Variants in KICS2 observed in about 807,000 individuals in gnomAD.
The protein encoded by KICS2 is KICSTOR subunit 2.
A neutral mutation model predicts 31.4 loss-of-function variants in KICS2; 13 were observed. The observed-to-expected ratio is 0.41, with a 90% CI of 0.27 to 0.66. The LOEUF (loss-of-function observed/expected upper bound fraction) is 0.66. Ranked by LOEUF, KICS2 falls within the 30% of genes least tolerant of loss-of-function variation. The pLI is 0.28. For missense variants in KICS2, 455 were observed against 545.4 expected, an observed-to-expected ratio of 0.83 and a Z score of 1.65; for synonymous variants, 209 against 214.8, an observed-to-expected ratio of 0.97 and a Z score of 0.24.
In KICS2 at chr12:64,197,115, C is replaced by T. The variant is rs1067634; in HGVS notation, c.522-2457G>A. ...ATACAGAGAACGCCACAAAGATACT[C>T]CTCGAGAAGAGCAACTCCAAGACAC... On this transcript the variant is annotated intron_variant, in intron 2 of 2. Coordinates refer to ENST00000398055, the MANE Select transcript of KICS2 (RefSeq NM_152440.5). 5.3e-3 allele frequency among the ~76,000 whole-genome samples: 507 copies of T among 96,276 alleles called. 1 individual carries two copies. The highest frequency in any genetic ancestry group is 0.013 in the Middle Eastern group (3 of 230). 63.2% of individuals were successfully genotyped at this position (96,276 alleles called of 152,430 possible). A position where few individuals can be genotyped will look rare whatever the true frequency, so the allele number is the denominator to read the frequency against.
intron 2 of KICS2, among the ~76,000 whole-genome samples, chr12:64,206,051 T>A (rs953914295): frequency 3.9e-5 from 6 of 152,162 alleles, no homozygotes; most frequent in Non-Finnish European, 7.4e-5. Context: ...ACTTAGCAGC[T>A]GGGACTACGG....
chr12:64,222,269 T>C lies in KICS2; in HGVS notation c.-32A>G. 9 of 1,607,792 alleles carry C rather than the reference T, an allele frequency of 5.6e-6. No individual in the cohort carries two copies. The highest frequency in any genetic ancestry group is 6.8e-6 in the Non-Finnish European group (8 of 1,177,324). ...TGCGCCCCAGCTCGACCCACGTGGC[T>C]CTCCTCGGCCTCGCACTTCCGGGTT... On this transcript the variant is annotated 5_prime_UTR_variant, in exon 1 of 3. Coordinates refer to ENST00000398055, the MANE Select transcript of KICS2 (RefSeq NM_152440.5).
chr12:64,198,847 T>C (rs1300184035), intron 2 of KICS2, among the ~76,000 whole-genome samples: 2 of 150,480 alleles, frequency 1.3e-5, no homozygotes, highest in African/African-American at 2.5e-5. Context: ...AACTAGAAAA[T>C]CTAGACGAAA....
intron 2 of KICS2, among the ~76,000 whole-genome samples, chr12:64,211,733 G>T (rs889148035): frequency 6.6e-6 from 1 of 152,036 alleles, no homozygotes; most frequent in Admixed American, 6.5e-5. Context: ...TGACCCATGT[G>T]AACATATTAT....
At position 64,222,277 on chromosome 12, in the gene KICS2, G is replaced by A. The variant is rs750079992; in HGVS notation, c.-40C>T. ...AGCTCGACCCACGTGGCTCTCCTCG[G>A]CCTCGCACTTCCGGGTTCTGAGGGA... On this transcript the variant is annotated 5_prime_UTR_variant, in exon 1 of 3. Transcript: ENST00000398055. 30 of 1,603,366 alleles carry A rather than the reference G, an allele frequency of 1.9e-5. No homozygotes were observed. Among genetic ancestry groups the A allele is most frequent in the Non-Finnish European group, 2.3e-5 (27 of 1,175,100 alleles).
intron 2 of KICS2, among the ~76,000 whole-genome samples, chr12:64,205,842 T>C (rs1170347304): frequency 7.5e-6 from 1 of 133,290 alleles, no homozygotes; most frequent in African/African-American, 2.7e-5. Flanking sequence ...ATGAATAGAT[T>C]TGTGTAATAT....
At position 64,194,665 on chromosome 12, in the gene KICS2, G is replaced by C; in HGVS notation, c.522-7C>G. On this transcript the variant is annotated splice_polypyrimidine_tract_variant and splice_region_variant and intron_variant, in intron 2 of 2. Transcript: ENST00000398055. Reference sequence around the variant, plus strand: ...GAGGATTGGGTGGTGAAATCTAAAGGGGAGAGGGAAATAGAGATAAGTGGA... The same window carrying C: ...GAGGATTGGGTGGTGAAATCTAAAGCGGAGAGGGAAATAGAGATAAGTGGA... The C allele has an allele frequency of 6.3e-7, 1 of 1,598,284 alleles. No individual in the cohort carries two copies. Among genetic ancestry groups the C allele is most frequent in the Non-Finnish European group, 8.5e-7 (1 of 1,170,358 alleles).
At position 64,193,518 on chromosome 12, in the gene KICS2, A is replaced by T; in HGVS notation, c.*324T>A. 3 of 1,073,594 alleles carry T rather than the reference A, an allele frequency of 2.8e-6. No individual in the cohort carries two copies. The highest frequency in any genetic ancestry group is 3.4e-6 in the Non-Finnish European group (3 of 886,716). The allele number at this position is 1,073,594 out of a possible 1,614,324, so 66.5% of individuals were successfully genotyped here. On this transcript the variant is annotated 3_prime_UTR_variant, in exon 3 of 3. Transcript: ENST00000398055. ...TGCAGTAGAACACAATGTTTAGAAC[A>T]ACAGAAAAACATATGGGAAAAAAAA... is the stretch of plus-strand genomic sequence containing the variant.
At chr12:64,204,490 A>G (rs1339067828) in intron 2 of KICS2, among the ~76,000 whole-genome samples, 1 of 152,218 alleles carries the variant, frequency 6.6e-6, no homozygotes, top group African/African-American at 2.4e-5. Context: ...TAGAATGAAC[A>G]CTAAGAAAGT....
Position 64,193,233 on chromosome 12 carries a change from T to G in KICS2, c.*609A>C, listed in dbSNP as rs1270763685. 1 of 985,502 alleles carries G rather than the reference T, an allele frequency of 1.0e-6. No homozygotes were observed. Among genetic ancestry groups the G allele is most frequent in the African/African-American group, 1.7e-5 (1 of 57,224 alleles). 61.0% of individuals were successfully genotyped at this position (985,502 alleles called of 1,614,324 possible). A position where few individuals can be genotyped will look rare whatever the true frequency, so the allele number is the denominator to read the frequency against. ...TATTAAAGCTGCCATGAGGATCTTC[T>G]GAACTGTTAAAACCTTACGTCATGC... On this transcript the variant is annotated 3_prime_UTR_variant, in exon 3 of 3. Coordinates refer to ENST00000398055, the MANE Select transcript of KICS2 (RefSeq NM_152440.5).
intron 2 of KICS2, among the ~76,000 whole-genome samples, chr12:64,213,087 C>CAAAAAAAAAAAAAAAAAAAAAA (rs1235001391): frequency 1.4e-5 from 1 of 69,164 alleles, no homozygotes; most frequent in African/African-American, 5.7e-5. Flanking sequence ...GAGACAAACT[C>CAAAAAAAAAAAAAAAAAAAAAA]AAAAAAAAAA....
intron 2 of KICS2, among the ~76,000 whole-genome samples, chr12:64,195,429 C>A (rs918791926): frequency 9.2e-5 from 14 of 152,196 alleles, no homozygotes; most frequent in African/African-American, 3.4e-4. Flanking sequence ...TTAAGCCTAT[C>A]TTGCAGATGA....
intron 1 of KICS2, chr12:64,221,501 C>T (rs1018060122): frequency 6.4e-6 from 1 of 156,240 alleles, no homozygotes; most frequent in Non-Finnish European, 1.4e-5. Flanking sequence ...TCTTGCCTTT[C>T]CTGCCCAATA....
Position 64,215,806 on chromosome 12 carries a change from G to A in KICS2, c.393C>T (p.Phe131=). ...LLSHLSEQLC[F]FVQARMEIAD... Reference sequence around the variant, plus strand: ...CTATCTCCATCCGAGCCTGAACAAAGAAGCAGAGCTGCTCTGACAGGTGGG... The same window carrying A: ...CTATCTCCATCCGAGCCTGAACAAAAAAGCAGAGCTGCTCTGACAGGTGGG... The change falls in exon 2 of 3, where the codon TTC becomes TTT. Residue 131 remains phenylalanine, a synonymous_variant. Coordinates refer to ENST00000398055, the MANE Select transcript of KICS2 (RefSeq NM_152440.5). 2 of 1,614,098 alleles carry A rather than the reference G, an allele frequency of 1.2e-6. No individual in the cohort carries two copies. Among genetic ancestry groups the A allele is most frequent in the East Asian group, 4.5e-5 (2 of 44,882 alleles).
chr12:64,194,691 A>G, intron 2 of KICS2, 33 bp from the exon 3 acceptor site: 1 of 1,560,070 alleles, frequency 6.4e-7, no homozygotes. Flanking sequence ...GATAAGTGGA[A>G]ATGTTACTTC....
At chr12:64,214,145 C>A (rs2037606791) in intron 2 of KICS2, among the ~76,000 whole-genome samples, 1 of 152,338 alleles carries the variant, frequency 6.6e-6, no homozygotes, top group East Asian at 1.9e-4. Context: ...CCACTGCTTA[C>A]CAAATTAAGT....
Position 64,196,260 on chromosome 12 carries a change from G to C in KICS2, c.522-1602C>G, listed in dbSNP as rs1400697994. Reference sequence around the variant, plus strand: ...GCACGCAGCTGGAGATCTGAGAACCGGCAGACTGCCTCCTCAAGTGGGTTC... The same window carrying C: ...GCACGCAGCTGGAGATCTGAGAACCCGCAGACTGCCTCCTCAAGTGGGTTC... On this transcript the variant is annotated intron_variant, in intron 2 of 2. Coordinates refer to ENST00000398055, the MANE Select transcript of KICS2 (RefSeq NM_152440.5). 2.0e-5 allele frequency among the ~76,000 whole-genome samples: 3 copies of C among 147,880 alleles called. No homozygotes were observed. In the East Asian group the frequency reaches 6.0e-4, roughly 30 times the overall value.
At chr12:64,201,774 G>C (rs925421598) in intron 2 of KICS2, among the ~76,000 whole-genome samples, 2 of 151,872 alleles carry the variant, frequency 1.3e-5, no homozygotes, top group Non-Finnish European at 2.9e-5. Flanking sequence ...ACCTGGGGTG[G>C]GGGGGCAAGG....
At chr12:64,198,950 G>T (rs2037464144) in intron 2 of KICS2, among the ~76,000 whole-genome samples, 1 of 150,518 alleles carries the variant, frequency 6.6e-6, no homozygotes, top group African/African-American at 2.5e-5. Flanking sequence ...TGAAATTGTG[G>T]CAATAATCGA....
Sources: allele counts gnomAD v4.1 joint callset (sites outside exome capture counted in the v4.1 genomes callset), GRCh38; gene constraint gnomAD v4.1.1; transcripts MANE v1.5; gene names NCBI Gene and HGNC (gene_info 2026-07-23, HGNC 2026-07-21).